ABCC11: variants seen among roughly 807,000 people sequenced by gnomAD.
ABCC11 encodes the protein ATP binding cassette subfamily C member 11.
A neutral mutation model predicts 149.3 loss-of-function variants in ABCC11; 135 were observed. The observed-to-expected ratio is 0.90, with a 90% CI of 0.79 to 1.04. ABCC11 has a LOEUF of 1.04. Among genes scored for constraint, ABCC11 ranks in the 50% least tolerant of loss-of-function variants. The pLI is 0.00. For missense variants in ABCC11, 1,680 were observed against 1,722.1 expected (o/e 0.98, Z 0.43); for synonymous variants, 665 against 671.4 (o/e 0.99, Z 0.15).
intron 10 of ABCC11, among the ~76,000 whole-genome samples, chr16:48,212,680 C>G (rs143060331): frequency 9.7e-4 from 148 of 152,266 alleles, no homozygotes; most frequent in African/African-American, 2.9e-3. Context: ...AGCAGGGACC[C>G]CTGTTCAATA....
chr16:48,240,758 T>C (rs1970926471), intron 1 of ABCC11, among the ~76,000 whole-genome samples: 1 of 151,762 alleles, frequency 6.6e-6, no homozygotes, highest in Non-Finnish European at 1.5e-5. Flanking sequence ...GAAGGAAAAA[T>C]AAATAAATAA....
intron 1 of ABCC11, chr16:48,244,522 G>A (rs866595433): frequency 9.5e-6 from 15 of 1,584,174 alleles, no homozygotes; most frequent in East Asian, 2.3e-5. Flanking sequence ...GTGCGGAGCC[G>A]CCTTCTGAAG....
rs191605136 is a variant in ABCC11, at chr16:48,222,671, C to T, written c.704G>A (p.Arg235Gln). The change falls in exon 6 of 30, where the codon CGA (arginine) becomes CAA (glutamine). Residue 235 changes from arginine to glutamine, a missense_variant. Arg to Gln is a conservative substitution (Grantham distance 43). Transcript: ENST00000356608. ...IINQRTAIRF[R>Q]AAVSSFAFEK... ...AAAGGCAAAGGAGGAAACAGCTGCT[C>T]GGAACCTGATGGCTGTGCGTTGGTT... 2.4e-5 allele frequency: 38 copies of T among 1,614,046 alleles called. No individual in the cohort carries two copies. Among genetic ancestry groups the T allele is most frequent in the South Asian group, 3.3e-5 (3 of 91,082 alleles).
At chr16:48,170,026 G>A in intron 28 of ABCC11, 79 bp downstream of exon 28, 3 of 1,114,232 alleles carry the variant, frequency 2.7e-6, no homozygotes, top group Non-Finnish European at 4.0e-6. Context: ...CGGTAGTGAA[G>A]GGAGAGGGAG....
intron 1 of ABCC11, among the ~76,000 whole-genome samples, chr16:48,234,506 CT>C: frequency 6.6e-6 from 1 of 152,236 alleles, no homozygotes; most frequent in African/African-American, 2.4e-5. Context: ...AGAGTGCTGC[CT>C]TTTCCTAAAT....
chr16:48,174,438 A>C (rs913170627), intron 26 of ABCC11, among the ~76,000 whole-genome samples: 12 of 152,222 alleles, frequency 7.9e-5, no homozygotes, highest in Admixed American at 5.9e-4. Context: ...TTTTTAGTGC[A>C]TCCATCTTCC....
chr16:48,239,532 A>G (rs1970855490), intron 1 of ABCC11, among the ~76,000 whole-genome samples: 1 of 143,696 alleles, frequency 7.0e-6, no homozygotes, highest in African/African-American at 2.6e-5. Flanking sequence ...ACTGCACTCT[A>G]GCCTAGGCAA....
At chr16:48,238,934 T>TAAAA (rs3048246) in intron 1 of ABCC11, among the ~76,000 whole-genome samples, 2,158 of 40,512 alleles carry the variant, frequency 0.053, 83 homozygotes, top group African/African-American at 0.063. Context: ...AGACTCTGTC[T>TAAAA]AAAAAAAAAA....
At chr16:48,204,024 A>C (rs1348335878) in intron 13 of ABCC11, among the ~76,000 whole-genome samples, 3 of 152,214 alleles carry the variant, frequency 2.0e-5, no homozygotes, top group Non-Finnish European at 4.4e-5. Flanking sequence ...TAAATTATTT[A>C]ACCAGTGGCC....
At chr16:48,168,990 T>C (rs1240953606) in intron 28 of ABCC11, among the ~76,000 whole-genome samples, 1 of 152,204 alleles carries the variant, frequency 6.6e-6, no homozygotes, top group Non-Finnish European at 1.5e-5. Flanking sequence ...CAAACCACCA[T>C]GGCACATGTG....
At chr16:48,215,837 C>T (rs1050730567) in intron 7 of ABCC11, among the ~76,000 whole-genome samples, 1 of 152,194 alleles carries the variant, frequency 6.6e-6, no homozygotes, top group Non-Finnish European at 1.5e-5. Flanking sequence ...ACAAAAATCT[C>T]GCACAGAGAT....
chr16:48,240,437 C>T (rs142315150), intron 1 of ABCC11, among the ~76,000 whole-genome samples: 12 of 152,232 alleles, frequency 7.9e-5, no homozygotes, highest in African/African-American at 2.9e-4. Flanking sequence ...GAAACCCAAA[C>T]ACTGCATGTT....
chr16:48,184,923 G>T (rs570693160), intron 22 of ABCC11, among the ~76,000 whole-genome samples: 1 of 152,346 alleles, frequency 6.6e-6, no homozygotes, highest in African/African-American at 2.4e-5. Flanking sequence ...CCCCAAATTG[G>T]CCACAGAGAG....
At chr16:48,194,634 T>C (rs534361291) in intron 18 of ABCC11, among the ~76,000 whole-genome samples, 1 of 152,334 alleles carries the variant, frequency 6.6e-6, no homozygotes, top group African/African-American at 2.4e-5. Flanking sequence ...TGAGTGGCAT[T>C]AATGCCCTTA....
intron 17 of ABCC11, among the ~76,000 whole-genome samples, chr16:48,196,815 T>C (rs952731256): frequency 6.6e-6 from 1 of 152,214 alleles, no homozygotes; most frequent in Non-Finnish European, 1.5e-5. Flanking sequence ...GAGCTTGGCC[T>C]GAAGACCGGT....
At chr16:48,236,485 C>A (rs1321494806) in intron 1 of ABCC11, among the ~76,000 whole-genome samples, 1 of 152,174 alleles carries the variant, frequency 6.6e-6, no homozygotes, top group Admixed American at 6.5e-5. Flanking sequence ...TTCTGCATAC[C>A]TCATTGAATG....
At position 48,230,514 on chromosome 16, in the gene ABCC11, T is replaced by C; in HGVS notation, c.159A>G (p.Pro53=). The C allele has an allele frequency of 6.2e-7, 1 of 1,612,576 alleles. No homozygotes were observed. Among genetic ancestry groups the C allele is most frequent in the East Asian group, 2.2e-5 (1 of 44,824 alleles). ...WSQQERNPEA[P]GRAAVPPWGK... Reference sequence around the variant, plus strand: ...CCCACGGTGGGACAGCTGCCCTCCCTGGAGCCTCAGGATTTCTCTCTTGCT... The same window carrying C: ...CCCACGGTGGGACAGCTGCCCTCCCCGGAGCCTCAGGATTTCTCTCTTGCT... Residue 53 remains proline (P), a synonymous_variant, in exon 3 of 30, where the codon CCA becomes CCG. Transcript: ENST00000356608.
In ABCC11 at chr16:48,187,382, G is replaced by T. The variant is rs139927866; in HGVS notation, c.2752C>A (p.Arg918=). Residue 918 remains arginine (R), a synonymous_variant, in exon 21 of 30, where the codon CGG becomes AGG. Transcript: ENST00000356608. ...TCCCCTGCGAAGCAGTTCAAAAGCCGGCCTATTGGGATGGTGTCAAAGAAA... is the reference window on the plus strand; with the variant it reads ...TCCCCTGCGAAGCAGTTCAAAAGCCTGCCTATTGGGATGGTGTCAAAGAAA... The part of the protein sequence containing the change: ...MSFFDTIPIG[R]LLNCFAGDLE... 94 of 1,614,030 alleles carry T rather than the reference G, an allele frequency of 5.8e-5. No individual in the cohort carries two copies. The highest frequency in any genetic ancestry group is 8.0e-5 in the Non-Finnish European group (94 of 1,179,968).
At position 48,166,231 on chromosome 16, in the gene ABCC11, A is replaced by G. The variant is rs1450631605; in HGVS notation, c.*1043T>C. Among the ~76,000 whole-genome samples, 1 of 152,218 alleles carries G rather than the reference A, an allele frequency of 6.6e-6. No individual in the cohort carries two copies. The highest frequency in any genetic ancestry group is 1.5e-5 in the Non-Finnish European group (1 of 68,044). On this transcript the variant is annotated 3_prime_UTR_variant, in exon 30 of 30. Coordinates refer to ENST00000356608, the MANE Select transcript of ABCC11 (RefSeq NM_001370497.1). ...ATGCCAACAGCCTAGCACATGATTG[A>G]TCAGGAACAAGCACATGACCCAAGC... is the stretch of plus-strand genomic sequence containing the variant.
Sources: allele counts gnomAD v4.1 joint callset (sites outside exome capture counted in the v4.1 genomes callset), GRCh38; gene constraint gnomAD v4.1.1; transcripts MANE v1.5; gene names NCBI Gene and HGNC (gene_info 2026-07-23, HGNC 2026-07-21).